SLC2A13: variants seen among roughly 807,000 people sequenced by gnomAD.
The protein encoded by SLC2A13 is proton myo-inositol cotransporter.
A neutral mutation model predicts 64.4 loss-of-function variants in SLC2A13; 32 were observed. The ratio of observed to expected loss-of-function variants is 0.50; its 90% CI spans 0.37 to 0.67. SLC2A13 has a LOEUF of 0.67. Among genes scored for constraint, SLC2A13 ranks in the 30% least tolerant of loss-of-function variants. The pLI is 0.00. For synonymous variants in SLC2A13, 338 were observed against 327.1 expected (o/e 1.03, Z -0.36); for missense variants, 743 against 829.2 (o/e 0.90, Z 1.28).
intron 4 of SLC2A13, among the ~76,000 whole-genome samples, chr12:39,913,391 A>G (rs1373382385): frequency 6.6e-6 from 1 of 152,044 alleles, no homozygotes; most frequent in East Asian, 1.9e-4. Context: ...AATAAACAAT[A>G]AAGTACGATG....
intron 4 of SLC2A13, among the ~76,000 whole-genome samples, chr12:39,940,255 C>A (rs555292343): frequency 6.6e-6 from 1 of 152,276 alleles, no homozygotes; most frequent in South Asian, 2.1e-4. Flanking sequence ...TGGAAGACCT[C>A]AGAGAGTAAA....
intron 6 of SLC2A13, among the ~76,000 whole-genome samples, chr12:39,831,977 C>T (rs1942864288): frequency 6.6e-6 from 1 of 152,162 alleles, no homozygotes; most frequent in Non-Finnish European, 1.5e-5. Context: ...ACTAACACAA[C>T]TGGCATGGTT....
chr12:40,101,826 GTTTT>G (rs551968444), intron 1 of SLC2A13, among the ~76,000 whole-genome samples: 273 of 138,734 alleles, frequency 2.0e-3, no homozygotes, highest in Middle Eastern at 7.5e-3. Flanking sequence ...AAGGTTGTTT[GTTTT>G]TTTTTTTTAA....
chr12:40,042,151 AATG>A (rs1349911426), intron 2 of SLC2A13, among the ~76,000 whole-genome samples: 2 of 152,226 alleles, frequency 1.3e-5, no homozygotes, highest in Non-Finnish European at 2.9e-5. Flanking sequence ...ACATCAATTA[AATG>A]ATGAAACATG....
intron 1 of SLC2A13, among the ~76,000 whole-genome samples, chr12:40,089,195 T>C (rs1202274402): frequency 6.6e-6 from 1 of 152,178 alleles, no homozygotes; most frequent in Non-Finnish European, 1.5e-5. Context: ...CTCCGTACTT[T>C]ATAAACTCTC....
rs1317627522 is a variant in SLC2A13, at chr12:39,942,146, G to A, written c.1034+9111C>T. Among the ~76,000 whole-genome samples the A allele has an allele frequency of 2.0e-5, 3 of 152,148 alleles. No individual in the cohort carries two copies. The East Asian group carries it at 5.8e-4, about 29-fold the overall frequency. On this transcript the variant is annotated intron_variant, in intron 4 of 9. Transcript: ENST00000280871. ...ATAGTTTGAAATCAGGTAGTGTGAT[G>A]CCTCCAGATTTGTTCTTTTTGCTTA... is the stretch of plus-strand genomic sequence containing the variant.
chr12:39,923,916 G>A lies in SLC2A13; in HGVS notation c.1034+27341C>T, dbSNP rs536027031. ...AAGCATATGAATATTATACAAATAT[G>A]GAAAAAAGAATTAAAACAAACATGC... On this transcript the variant is annotated intron_variant, in intron 4 of 9. Transcript: ENST00000280871. Among the ~76,000 whole-genome samples, 118 of 151,604 alleles carry A rather than the reference G, an allele frequency of 7.8e-4. No individual in the cohort carries two copies. In the Middle Eastern group the frequency reaches 0.01, roughly 13 times the overall value.
Position 40,020,158 on chromosome 12 carries a change from A to G in SLC2A13, c.925+8143T>C, listed in dbSNP as rs377525822. Among the ~76,000 whole-genome samples the G allele has an allele frequency of 2.6e-5, 4 of 152,182 alleles. No individual in the cohort carries two copies. The East Asian group carries it at 5.8e-4, about 22-fold the overall frequency. On this transcript the variant is annotated intron_variant, in intron 3 of 9. Coordinates refer to ENST00000280871, the MANE Select transcript of SLC2A13 (RefSeq NM_052885.4). Reference sequence around the variant, plus strand: ...TAAGGTTTCTTTGATTTTTTAAGAAACTCTGAGAAGATCTCTGCTGACATT... The same window carrying G: ...TAAGGTTTCTTTGATTTTTTAAGAAGCTCTGAGAAGATCTCTGCTGACATT...
chr12:39,973,855 C>T (rs551080605), intron 3 of SLC2A13, among the ~76,000 whole-genome samples: 9 of 152,210 alleles, frequency 5.9e-5, no homozygotes, highest in Non-Finnish European at 1.3e-4. Context: ...TTCTAATTTC[C>T]ATCTGCAGAG....
At chr12:39,839,557 AT>A (rs1004633497) in intron 6 of SLC2A13, among the ~76,000 whole-genome samples, 1 of 151,880 alleles carries the variant, frequency 6.6e-6, no homozygotes, top group Non-Finnish European at 1.5e-5. Flanking sequence ...TGGTGATAAG[AT>A]TTTCTAAAAA....
At chr12:39,805,815 G>A (rs1941961499) in intron 7 of SLC2A13, among the ~76,000 whole-genome samples, 1 of 152,136 alleles carries the variant, frequency 6.6e-6, no homozygotes, top group African/African-American at 2.4e-5. Flanking sequence ...AATCTAGAAA[G>A]GGAGTTGCCC....
intron 3 of SLC2A13, among the ~76,000 whole-genome samples, chr12:39,968,763 TATATATATATATATATATA>T (rs1565567264): frequency 0.1 from 11,351 of 108,758 alleles, 1,191 homozygotes; most frequent in Admixed American, 0.17. Flanking sequence ...TTTTTTGGTA[TATATATATATATATATATA>T]TATATATATA....
At chr12:40,002,391 C>A in intron 3 of SLC2A13, among the ~76,000 whole-genome samples, 1 of 152,202 alleles carries the variant, frequency 6.6e-6, no homozygotes, top group East Asian at 1.9e-4. Context: ...TATTACACAT[C>A]TCTCTAATGC....
At chr12:40,058,087 A>AGATTGATT (rs546629291) in intron 1 of SLC2A13, among the ~76,000 whole-genome samples, 10 of 138,986 alleles carry the variant, frequency 7.2e-5, no homozygotes, top group Non-Finnish European at 3.2e-5. Context: ...ATAGATAGAT[A>AGATTGATT]GATTGATTTA....
At chr12:39,787,379 G>A (rs1036503411) in intron 7 of SLC2A13, among the ~76,000 whole-genome samples, 3 of 152,162 alleles carry the variant, frequency 2.0e-5, no homozygotes, top group African/African-American at 7.2e-5. Context: ...CCCAAGGACA[G>A]AAAGGAATAC....
intron 7 of SLC2A13, among the ~76,000 whole-genome samples, chr12:39,820,980 A>G (rs1942488936): frequency 6.6e-6 from 1 of 151,952 alleles, no homozygotes; most frequent in Non-Finnish European, 1.5e-5. Flanking sequence ...TTCCTACTGC[A>G]GTGTTCCCCA....
Position 39,802,221 on chromosome 12 carries a change from T to A in SLC2A13, c.1445+27882A>T, listed in dbSNP as rs1941817334. On this transcript the variant is annotated intron_variant, in intron 7 of 9. Coordinates refer to ENST00000280871, the MANE Select transcript of SLC2A13 (RefSeq NM_052885.4). ...TGTACTGTCTTGAAATTATTAATCA[T>A]TTTTAACAAGGGGCCCTGTATTTTC... 3 of 152,168 alleles carry A rather than the reference T, an allele frequency of 2.0e-5. No homozygotes were observed. In the South Asian group the frequency reaches 6.2e-4, roughly 32 times the overall value. 9.4% of individuals were successfully genotyped at this position (152,168 alleles called of 1,614,324 possible). A position where few individuals can be genotyped will look rare whatever the true frequency, so the allele number is the denominator to read the frequency against.
Position 39,989,394 on chromosome 12 carries a change from T to G in SLC2A13, c.926-38029A>C, listed in dbSNP as rs1001319947. On this transcript the variant is annotated intron_variant, in intron 3 of 9. Transcript: ENST00000280871. ...TTTTATCACCATTATCTGTTAACAT[T>G]TATTACCACCTTCATATGTTTATGT... Among the ~76,000 whole-genome samples the G allele has an allele frequency of 2.0e-5, 3 of 152,210 alleles. No individual in the cohort carries two copies. In the South Asian group the frequency reaches 6.2e-4, roughly 32 times the overall value.
At chr12:40,033,219 T>C (rs1947929754) in intron 2 of SLC2A13, among the ~76,000 whole-genome samples, 2 of 152,242 alleles carry the variant, frequency 1.3e-5, no homozygotes, top group Admixed American at 1.3e-4. Context: ...AATAAATGTT[T>C]ATTGTAAGTC....
Sources: allele counts gnomAD v4.1 joint callset (sites outside exome capture counted in the v4.1 genomes callset), GRCh38; gene constraint gnomAD v4.1.1; transcripts MANE v1.5; gene names NCBI Gene and HGNC (gene_info 2026-07-23, HGNC 2026-07-21).